Variants in PCDH15 observed in about 807,000 individuals in gnomAD.
PCDH15 encodes protocadherin related 15.
PCDH15 carries 129 observed loss-of-function variants against 178.5 expected under a neutral mutation model. That is an observed-to-expected ratio of 0.72 (90% CI 0.63 to 0.84). The LOEUF (loss-of-function observed/expected upper bound fraction) is 0.84. PCDH15 is among the 40% of genes least tolerant of loss of function. The pLI is 0.00. For missense variants in PCDH15, 2,230 were observed against 2,099.9 expected (o/e 1.06, Z -1.21); for synonymous variants, 800 against 732.0 (o/e 1.09, Z -1.50).
intron 25 of PCDH15, among the ~76,000 whole-genome samples, chr10:53,914,764 A>T (rs1040127378): frequency 5.9e-5 from 9 of 151,574 alleles, no homozygotes; most frequent in South Asian, 2.1e-4. Context: ...AAAGTATATA[A>T]AAAAAAATAA....
intron 3 of PCDH15, among the ~76,000 whole-genome samples, chr10:54,852,525 A>G (rs2131767879): frequency 6.6e-6 from 1 of 152,318 alleles, no homozygotes; most frequent in African/African-American, 2.4e-5. Flanking sequence ...CCTACAAAAA[A>G]TATAAAAAGA....
Position 55,626,145 on chromosome 10 carries a change from A to AAG in PCDH15, c.-156+1478_-156+1479dup, listed in dbSNP as rs571415824. On this transcript the variant is annotated intron_variant, in intron 2 of 5. Transcript: ENST00000613346. ...AGTGTACAGAAGCAAGAGAGAGAGA[A>AAG]AGAGAGAGAGAGAGAATAAATAAAT... is the stretch of plus-strand genomic sequence containing the variant. 3.3e-3 allele frequency among the ~76,000 whole-genome samples: 505 copies of AAG among 151,068 alleles called. 4 individuals are homozygous for AAG. Among genetic ancestry groups the AAG allele is most frequent in the South Asian group, 0.023 (111 of 4,812 alleles).
chr10:54,676,213 C>G (rs1326103877), intron 1 of PCDH15, among the ~76,000 whole-genome samples: 1 of 151,806 alleles, frequency 6.6e-6, no homozygotes, highest in African/African-American at 2.4e-5. Context: ...GAATAAAATT[C>G]TAATATACTT....
chr10:54,953,533 C>T (rs1203730854), intron 2 of PCDH15, among the ~76,000 whole-genome samples: 1 of 151,378 alleles, frequency 6.6e-6, no homozygotes, highest in Non-Finnish European at 1.5e-5. Flanking sequence ...TAATCTATTG[C>T]TATAGTTGAT....
At chr10:55,455,676 C>G (rs1449628816) in intron 2 of PCDH15, among the ~76,000 whole-genome samples, 3 of 152,070 alleles carry the variant, frequency 2.0e-5, no homozygotes, top group Non-Finnish European at 2.9e-5. Flanking sequence ...CTCTAATTCA[C>G]TGAGCATACA....
intron 2 of PCDH15, among the ~76,000 whole-genome samples, chr10:55,008,189 C>G (rs929681240): frequency 2.0e-5 from 3 of 151,798 alleles, no homozygotes; most frequent in African/African-American, 7.3e-5. Flanking sequence ...TACTTGAGAA[C>G]TGGATAATTT....
At position 53,965,301 on chromosome 10, in the gene PCDH15, G is replaced by A. The variant is rs12265271; in HGVS notation, c.2869-3409C>T. Reference sequence around the variant, plus strand: ...TCTTAAACTCCTGACCTCATGATCCGCTCGCCTTTGCCTTCCAAAGGGCTG... The same window carrying A: ...TCTTAAACTCCTGACCTCATGATCCACTCGCCTTTGCCTTCCAAAGGGCTG... On this transcript the variant is annotated intron_variant, in intron 21 of 37. Transcript: ENST00000644397. Among the ~76,000 whole-genome samples, 1,453 of 152,022 alleles carry A rather than the reference G, an allele frequency of 9.6e-3. 24 individuals are homozygous for A. The highest frequency in any genetic ancestry group is 0.03 in the African/African-American group (1,251 of 41,480).
chr10:55,506,434 T>G (rs1840760387), intron 2 of PCDH15: 1 of 151,480 alleles, frequency 6.6e-6, no homozygotes, highest in African/African-American at 2.4e-5. Context: ...ACTATTTGTG[T>G]GTGTGGGAAC....
chr10:54,634,052 G>T (rs955226426), intron 2 of PCDH15, among the ~76,000 whole-genome samples: 1 of 151,986 alleles, frequency 6.6e-6, no homozygotes. Flanking sequence ...ATTACTTTCA[G>T]GTTTCTTGTG....
At chr10:55,583,810 C>G (rs191913562) in intron 2 of PCDH15, among the ~76,000 whole-genome samples, 1 of 151,994 alleles carries the variant, frequency 6.6e-6, no homozygotes, top group Admixed American at 6.6e-5. Flanking sequence ...TTTTATAAAA[C>G]ATATAATATA....
At chr10:54,786,629 G>T (rs1034997209) in intron 1 of PCDH15, among the ~76,000 whole-genome samples, 2 of 151,902 alleles carry the variant, frequency 1.3e-5, no homozygotes, top group Non-Finnish European at 2.9e-5. Context: ...TCATAAGAAA[G>T]ATACGTTTTT....
intron 2 of PCDH15, among the ~76,000 whole-genome samples, chr10:55,612,789 G>A (rs1843395320): frequency 6.6e-6 from 1 of 152,082 alleles, no homozygotes; most frequent in African/African-American, 2.4e-5. Flanking sequence ...ACTAATCTAT[G>A]TCTTAGCAAC....
chr10:54,184,649 T>G (rs2048326837), intron 12 of PCDH15, among the ~76,000 whole-genome samples: 1 of 152,052 alleles, frequency 6.6e-6, no homozygotes, highest in African/African-American at 2.4e-5. Flanking sequence ...GCATCCTTTA[T>G]GTCTACCTAC....
At chr10:54,835,161 T>C (rs995095246) in intron 3 of PCDH15, among the ~76,000 whole-genome samples, 7 of 152,012 alleles carry the variant, frequency 4.6e-5, no homozygotes, top group Admixed American at 1.3e-4. Context: ...AAAGAGACAA[T>C]AGCGAAATAA....
intron 2 of PCDH15, among the ~76,000 whole-genome samples, chr10:55,334,240 ATATGTGTG>A (rs1255744198): frequency 3.4e-5 from 3 of 88,628 alleles, no homozygotes; most frequent in South Asian, 4.1e-4. Context: ...ATATATATAT[ATATGTGTG>A]TGTGTGTGTG....
rs572725763 is a variant in PCDH15, at chr10:54,429,756, G to A, written c.158-50814C>T. Among the ~76,000 whole-genome samples, 5 of 152,216 alleles carry A rather than the reference G, an allele frequency of 3.3e-5. No homozygotes were observed. In the South Asian group the frequency reaches 1.0e-3, roughly 32 times the overall value. On this transcript the variant is annotated intron_variant, in intron 3 of 37. Coordinates refer to ENST00000644397, the MANE Select transcript of PCDH15 (RefSeq NM_001384140.1). ...GAGAAAAAGAAGGTAATTATATAATGATAAAAGAAGCCAATTCAGCAAGAG... is the reference window on the plus strand; with the variant it reads ...GAGAAAAAGAAGGTAATTATATAATAATAAAAGAAGCCAATTCAGCAAGAG...
At chr10:54,586,696 T>G (rs1052123866) in intron 2 of PCDH15, among the ~76,000 whole-genome samples, 1 of 152,148 alleles carries the variant, frequency 6.6e-6, no homozygotes, top group African/African-American at 2.4e-5. Context: ...TCAGTCACCA[T>G]GTTTAGTTAA....
chr10:54,830,500 C>T (rs1022652082), intron 3 of PCDH15, among the ~76,000 whole-genome samples: 6 of 151,750 alleles, frequency 4.0e-5, no homozygotes, highest in East Asian at 1.9e-4. Context: ...AACCAAACAC[C>T]GCATGTTCTC....
chr10:54,344,158 C>CT (rs1427017163), intron 6 of PCDH15, among the ~76,000 whole-genome samples: 5 of 152,054 alleles, frequency 3.3e-5, no homozygotes, highest in Non-Finnish European at 5.9e-5. Flanking sequence ...TTGGTTAATC[C>CT]TTTTTTCCTT....
Sources: allele counts gnomAD v4.1 joint callset (sites outside exome capture counted in the v4.1 genomes callset), GRCh38; gene constraint gnomAD v4.1.1; transcripts MANE v1.5; gene names NCBI Gene and HGNC (gene_info 2026-07-23, HGNC 2026-07-21).